Variants in TTC28 observed in about 807,000 individuals in gnomAD.
TTC28 encodes the protein tetratricopeptide repeat domain 28, also known as tetratricopeptide repeat protein 28.
A neutral mutation model predicts 198.0 loss-of-function variants in TTC28; 61 were observed. The ratio of observed to expected loss-of-function variants is 0.31; its 90% CI spans 0.25 to 0.38. TTC28 has a LOEUF of 0.38. Among genes scored for constraint, TTC28 ranks in the 10% least tolerant of loss-of-function variants. The pLI is 1.00. For missense variants in TTC28, 2,678 were observed against 3,164.0 expected (o/e 0.85, Z 3.69); for synonymous variants, 1,171 against 1,297.8 (o/e 0.90, Z 2.10).
intron 2 of TTC28, among the ~76,000 whole-genome samples, chr22:28,423,258 C>T (rs1399313872): frequency 6.6e-6 from 1 of 152,080 alleles, no homozygotes; most frequent in African/African-American, 2.4e-5. Flanking sequence ...GGTGTGTTGC[C>T]ACGTGCCTGT....
chr22:28,100,089 ACTGT>A (rs1389240532), intron 9 of TTC28, among the ~76,000 whole-genome samples: 4 of 152,234 alleles, frequency 2.6e-5, no homozygotes, highest in South Asian at 2.1e-4. Context: ...CTCATGCCAC[ACTGT>A]CTAAGATGAC....
chr22:28,647,625 G>A (rs2051490549), intron 1 of TTC28, among the ~76,000 whole-genome samples: 1 of 151,972 alleles, frequency 6.6e-6, no homozygotes, highest in Admixed American at 6.6e-5. Flanking sequence ...AGATCATGAG[G>A]TCAGGAGATC....
chr22:28,508,005 T>G (rs1019954838), intron 2 of TTC28, among the ~76,000 whole-genome samples: 13 of 152,162 alleles, frequency 8.5e-5, no homozygotes, highest in African/African-American at 3.1e-4. Flanking sequence ...TAAACAGGTC[T>G]GCAAAATAAC....
chr22:28,114,258 G>A (rs541825812), intron 6 of TTC28, among the ~76,000 whole-genome samples: 2 of 152,330 alleles, frequency 1.3e-5, no homozygotes, highest in African/African-American at 4.8e-5. Context: ...ATTGGGAGAA[G>A]TGGTCCCAGG....
intron 1 of TTC28, among the ~76,000 whole-genome samples, chr22:28,662,777 A>G (rs1040757270): frequency 3.9e-5 from 6 of 152,196 alleles, no homozygotes; most frequent in African/African-American, 1.4e-4. Flanking sequence ...ATCTTTGTGA[A>G]TATTAGGAAG....
intron 2 of TTC28, among the ~76,000 whole-genome samples, chr22:28,427,919 C>T (rs1336163340): frequency 1.3e-5 from 2 of 152,130 alleles, no homozygotes; most frequent in East Asian, 1.9e-4. Flanking sequence ...TGCCAAATGA[C>T]TCTCCAAGAG....
intron 14 of TTC28, chr22:28,006,403 T>C (rs931749389): frequency 6.6e-6 from 1 of 152,226 alleles, no homozygotes; most frequent in Non-Finnish European, 1.5e-5. Flanking sequence ...CTGTCTTCAG[T>C]GCTTGGAATA....
At chr22:28,200,226 AC>A (rs1304071087) in intron 5 of TTC28, among the ~76,000 whole-genome samples, 1 of 152,132 alleles carries the variant, frequency 6.6e-6, no homozygotes, top group Non-Finnish European at 1.5e-5. Flanking sequence ...AGTAGCTGGG[AC>A]TACAGATGCA....
chr22:28,060,053 G>A lies in TTC28; in HGVS notation c.3933-29687C>T, dbSNP rs529466250. Among the ~76,000 whole-genome samples the A allele has an allele frequency of 2.6e-5, 4 of 151,722 alleles. No homozygotes were observed. The South Asian group carries it at 8.4e-4, about 32-fold the overall frequency. On this transcript the variant is annotated intron_variant, in intron 12 of 22. Coordinates refer to ENST00000397906, the MANE Select transcript of TTC28 (RefSeq NM_001145418.2). Reference sequence around the variant, plus strand: ...TTTAGTTCCTTAACATTTATTGAAAGAACTAATATTTAATGAAAGTACTCA... The same window carrying A: ...TTTAGTTCCTTAACATTTATTGAAAAAACTAATATTTAATGAAAGTACTCA...
intron 2 of TTC28, among the ~76,000 whole-genome samples, chr22:28,528,909 C>A (rs1260902449): frequency 6.6e-6 from 1 of 151,820 alleles, no homozygotes; most frequent in African/African-American, 2.4e-5. Flanking sequence ...TTCAGACATA[C>A]AAACAACAAC....
At chr22:28,612,956 A>C (rs1257526690) in intron 2 of TTC28, among the ~76,000 whole-genome samples, 2 of 152,184 alleles carry the variant, frequency 1.3e-5, no homozygotes, top group Non-Finnish European at 2.9e-5. Context: ...TTCAAAAACT[A>C]GCAGAAGACA....
At chr22:28,384,617 C>A (rs905345808) in intron 2 of TTC28, among the ~76,000 whole-genome samples, 8 of 152,196 alleles carry the variant, frequency 5.3e-5, no homozygotes, top group Non-Finnish European at 1.0e-4. Context: ...GGTATTCTCG[C>A]AGTTAACTGG....
intron 6 of TTC28, among the ~76,000 whole-genome samples, chr22:28,148,349 C>T (rs1186090220): frequency 2.6e-5 from 4 of 152,218 alleles, no homozygotes; most frequent in African/African-American, 9.6e-5. Context: ...TGCAGTGGCT[C>T]ATGCCTGTAA....
intron 3 of TTC28, among the ~76,000 whole-genome samples, chr22:28,301,589 T>C (rs191847475): frequency 6.6e-6 from 1 of 152,294 alleles, no homozygotes; most frequent in Admixed American, 6.5e-5. Context: ...ATTCACATAT[T>C]AACAATCTCT....
At chr22:28,660,709 A>T (rs972872809) in intron 1 of TTC28, among the ~76,000 whole-genome samples, 7 of 151,972 alleles carry the variant, frequency 4.6e-5, no homozygotes, top group African/African-American at 1.4e-4. Context: ...TTTTCAGTAG[A>T]GACGGGGTTT....
intron 1 of TTC28, among the ~76,000 whole-genome samples, chr22:28,646,440 T>A (rs554933324): frequency 3.4e-4 from 52 of 152,332 alleles, no homozygotes; most frequent in African/African-American, 1.2e-3. Flanking sequence ...CCCATGCTCA[T>A]GGAGTAGAAA....
intron 6 of TTC28, among the ~76,000 whole-genome samples, chr22:28,117,034 T>C (rs950528399): frequency 1.3e-5 from 2 of 152,238 alleles, no homozygotes; most frequent in African/African-American, 4.8e-5. Flanking sequence ...CAGGTATGTA[T>C]TTCCCACTCG....
At chr22:28,328,736 A>G (rs1241649463) in intron 2 of TTC28, among the ~76,000 whole-genome samples, 1 of 146,450 alleles carries the variant, frequency 6.8e-6, no homozygotes, top group African/African-American at 2.5e-5. Context: ...CCTGAGCCAC[A>G]GATCGAGACT....
At chr22:28,674,611 G>A (rs2051949016) in intron 1 of TTC28, among the ~76,000 whole-genome samples, 1 of 151,956 alleles carries the variant, frequency 6.6e-6, no homozygotes, top group African/African-American at 2.4e-5. Context: ...CTTGAGGTCA[G>A]GAGTTCAAGA....
Sources: gnomAD v4.1 joint callset for allele counts (sites outside exome capture counted in the v4.1 genomes callset) on GRCh38, gnomAD v4.1.1 for gene constraint, MANE v1.5 for transcripts, NCBI Gene and HGNC (gene_info 2026-07-23, HGNC 2026-07-21) for gene names.